Variants in CBL observed in about 807,000 individuals in gnomAD.
CBL encodes E3 ubiquitin-protein ligase CBL.
CBL carries 45 observed loss-of-function variants against 96.9 expected under a neutral mutation model. That is an observed-to-expected ratio of 0.46 (90% CI 0.37 to 0.60). CBL has a LOEUF of 0.60. CBL is among the 20% of genes least tolerant of loss of function. The probability of loss-of-function intolerance (pLI) is 0.00; values close to 1 mark genes in which losing one functional copy is unlikely to be tolerated. For missense variants in CBL, 1,024 were observed against 1,143.5 expected (o/e 0.90, Z 1.51); for synonymous variants, 420 against 426.8 (o/e 0.98, Z 0.20).
chr11:119,292,345 A>G (rs1040168425), intron 12 of CBL, among the ~76,000 whole-genome samples: 1 of 147,252 alleles, frequency 6.8e-6, no homozygotes, highest in Non-Finnish European at 1.5e-5. Flanking sequence ...CCTTTTCACT[A>G]TGTCTCCGAG....
At chr11:119,283,227 C>G (rs1408435787) in intron 9 of CBL, among the ~76,000 whole-genome samples, 2 of 152,214 alleles carry the variant, frequency 1.3e-5, no homozygotes, top group African/African-American at 4.8e-5. Context: ...GGAGGCTTGA[C>G]TAGTAACTTT....
chr11:119,252,622 G>C (rs908906231), intron 2 of CBL, among the ~76,000 whole-genome samples: 4 of 152,204 alleles, frequency 2.6e-5, no homozygotes, highest in South Asian at 2.1e-4. Flanking sequence ...TTGGGAGGCC[G>C]AGGCGGGTGG....
At position 119,272,987 on chromosome 11, in the gene CBL, T is replaced by A. The variant is rs959717004; in HGVS notation, c.591-881T>A. ...CCTAGGTTTTGTCGTTTTATTTTTT[T>A]TTTTTTTTGAGACAGGATGTCACTC... On this transcript the variant is annotated intron_variant, in intron 3 of 15. Transcript: ENST00000264033. Among the ~76,000 whole-genome samples, 123 of 152,114 alleles carry A rather than the reference T, an allele frequency of 8.1e-4. 1 individual carries two copies. The highest frequency in any genetic ancestry group is 6.8e-3 in the Middle Eastern group (2 of 294).
At chr11:119,277,709 A>G in intron 6 of CBL, 48 bp from the exon 7 acceptor site, 1 of 1,242,018 alleles carries the variant, frequency 8.1e-7, no homozygotes, top group Non-Finnish European at 1.2e-6. Flanking sequence ...ATTAGCAAGC[A>G]CTGGCAAATT....
intron 2 of CBL, among the ~76,000 whole-genome samples, chr11:119,245,131 G>A (rs889885893): frequency 2.0e-5 from 3 of 148,702 alleles, no homozygotes; most frequent in East Asian, 2.0e-4. Context: ...CTTGGACTCC[G>A]AAAGTGCTGG....
intron 2 of CBL, among the ~76,000 whole-genome samples, chr11:119,260,542 T>A (rs896913994): frequency 2.0e-5 from 3 of 152,192 alleles, no homozygotes; most frequent in African/African-American, 7.2e-5. Context: ...TAAGTGAGAA[T>A]TAGTTAAATA....
In CBL at chr11:119,287,843, A is replaced by G. The variant is rs1949995698; in HGVS notation, c.1942-9A>G. 1 of 1,590,380 alleles carries G rather than the reference A, an allele frequency of 6.3e-7. No individual in the cohort carries two copies. The highest frequency in any genetic ancestry group is 2.2e-5 in the East Asian group (1 of 44,776). On this transcript the variant is annotated splice_polypyrimidine_tract_variant and intron_variant, in intron 11 of 15. Coordinates refer to ENST00000264033, the MANE Select transcript of CBL (RefSeq NM_005188.4). ...AAGTTGTTTTTCAACACTTTTCTTT[A>G]CTTTCCAGAGTATGAATAGCAGCCC... is the stretch of plus-strand genomic sequence containing the variant.
intron 2 of CBL, among the ~76,000 whole-genome samples, chr11:119,243,283 G>C (rs997035490): frequency 6.6e-6 from 1 of 151,940 alleles, no homozygotes; most frequent in Non-Finnish European, 1.5e-5. Context: ...ATCTCAAAAA[G>C]AAGATAAGAC....
At chr11:119,256,509 GATTTA>G (rs2135284300) in intron 2 of CBL, among the ~76,000 whole-genome samples, 1 of 152,024 alleles carries the variant, frequency 6.6e-6, no homozygotes, top group African/African-American at 2.4e-5. Flanking sequence ...GATTTTTACT[GATTTA>G]TCATGATAGA....
At chr11:119,228,729 A>G (rs982781381) in intron 1 of CBL, among the ~76,000 whole-genome samples, 10 of 151,410 alleles carry the variant, frequency 6.6e-5, no homozygotes, top group African/African-American at 2.2e-4. Flanking sequence ...CACTCAAGCA[A>G]TCCTTCTGCT....
chr11:119,261,394 G>A (rs918518919), intron 2 of CBL, among the ~76,000 whole-genome samples: 1 of 152,140 alleles, frequency 6.6e-6, no homozygotes, highest in Admixed American at 6.5e-5. Flanking sequence ...CGATGTCTAA[G>A]TTACATACTC....
rs747357424 is a variant in CBL, at chr11:119,285,387, G to T, written c.1762G>T (p.Asp588Tyr). 1 of 1,614,176 alleles carries T rather than the reference G, an allele frequency of 6.2e-7. No individual in the cohort carries two copies. The highest frequency in any genetic ancestry group is 2.2e-5 in the East Asian group (1 of 44,882). ...CCCTGTCCCCTCTAGCCGCCTTGGA[G>T]ACTCATGGCTGCCCCGGCCAATCCC... is the stretch of plus-strand genomic sequence containing the variant. ...LPPVPSSRLG[D>Y]SWLPRPIPKV... Residue 588 changes from aspartate to tyrosine, a missense_variant, in exon 11 of 16, where the codon GAC (aspartate) becomes TAC (tyrosine). Around this residue, in one of 4 missense-constraint regions of CBL, gnomAD observed 695 missense variants for 661.6 expected, o/e 1.05. Transcript: ENST00000264033.
Position 119,285,413 on chromosome 11 carries a change from C to G in CBL, c.1788C>G (p.Pro596=), listed in dbSNP as rs1060503995. Residue 596 remains proline (P), a synonymous_variant, in exon 11 of 16, where the codon CCC becomes CCG. Transcript: ENST00000264033. ...LGDSWLPRPI[P]KVPVSAPSSS... ...ACTCATGGCTGCCCCGGCCAATCCC[C>G]AAAGTACCAGTATCTGCCCCAAGTT... is the stretch of plus-strand genomic sequence containing the variant. 14 of 1,614,086 alleles carry G rather than the reference C, an allele frequency of 8.7e-6. No homozygotes were observed. The highest frequency in any genetic ancestry group is 1.0e-5 in the Non-Finnish European group (12 of 1,180,048).
intron 2 of CBL, among the ~76,000 whole-genome samples, chr11:119,247,516 T>C (rs1322356823): frequency 6.6e-6 from 1 of 152,136 alleles, no homozygotes; most frequent in Non-Finnish European, 1.5e-5. Flanking sequence ...AAGATCAATA[T>C]ACAGAAATCA....
chr11:119,255,190 A>G (rs1592388649), intron 2 of CBL, among the ~76,000 whole-genome samples: 1 of 152,146 alleles, frequency 6.6e-6, no homozygotes, highest in Non-Finnish European at 1.5e-5. Flanking sequence ...GTTGCTGACA[A>G]CTAGTGCCCT....
At chr11:119,213,174 A>G (rs1949332077) in intron 1 of CBL, among the ~76,000 whole-genome samples, 1 of 151,996 alleles carries the variant, frequency 6.6e-6, no homozygotes, top group Non-Finnish European at 1.5e-5. Flanking sequence ...GCCTTACCCT[A>G]TCCACCTTGC....
rs1459635883 is a variant in CBL, at chr11:119,206,601, C to T, written c.184C>T (p.Leu62Phe). Residue 62 changes from leucine (L) to phenylalanine (F), a missense_variant, in exon 1 of 16, where the codon CTC becomes TTC. Leu to Phe is a conservative substitution (Grantham distance 22, BLOSUM62 0). Coordinates refer to ENST00000264033, the MANE Select transcript of CBL (RefSeq NM_005188.4). ...GAAGATGGTGGAGAAGTGCTGGAAGCTCATGGACAAGGTGAAAGGCCGGCT... is the reference window on the plus strand; with the variant it reads ...GAAGATGGTGGAGAAGTGCTGGAAGTTCATGGACAAGGTGAAAGGCCGGCT... ...DKKMVEKCWK[L>F]MDKVVRLCQN... The T allele has an allele frequency of 3.9e-6, 6 of 1,548,034 alleles. No homozygotes were observed. The highest frequency in any genetic ancestry group is 2.5e-5 in the East Asian group (1 of 40,712).
At chr11:119,234,000 CTTTTG>C (rs1457941714) in intron 2 of CBL, among the ~76,000 whole-genome samples, 5 of 151,814 alleles carry the variant, frequency 3.3e-5, no homozygotes, top group Non-Finnish European at 7.4e-5. Context: ...TTCTTTCTTT[CTTTTG>C]TTTTGTTTTG....
At chr11:119,277,237 T>TCACACACACACACACACACA (rs1478200397) in intron 6 of CBL, among the ~76,000 whole-genome samples, 71 of 57,896 alleles carry the variant, frequency 1.2e-3, no homozygotes, top group African/African-American at 7.0e-3. Context: ...TAAGAATCTG[T>TCACACACACACACACACACA]CGCGCACACA....
Sources: allele counts gnomAD v4.1 joint callset (sites outside exome capture counted in the v4.1 genomes callset), GRCh38; gene constraint gnomAD v4.1.1; regional missense constraint gnomAD v4.1.1; transcripts MANE v1.5; gene names NCBI Gene and HGNC (gene_info 2026-07-23, HGNC 2026-07-21).